The following HPSE2 variants were observed in gnomAD, a reference collection of about 807,000 sequenced individuals.
HPSE2 encodes the protein inactive heparanase-2.
Under a neutral mutation model 60.5 loss-of-function variants are expected in HPSE2, and 38 were observed. The observed-to-expected ratio is 0.63, with a 90% CI of 0.48 to 0.82. The LOEUF (loss-of-function observed/expected upper bound fraction) is 0.82. Among genes scored for constraint, HPSE2 ranks in the 40% least tolerant of loss-of-function variants. The pLI, the probability that HPSE2 is intolerant of heterozygous loss-of-function variation, is 0.00. For synonymous variants in HPSE2, 295 were observed against 293.2 expected (o/e 1.01, Z -0.06); for missense variants, 713 against 740.4 (o/e 0.96, Z 0.43).
chr10:99,302,065 C>CAGAGA, the HPSE2 span, among the ~76,000 whole-genome samples: 54 of 151,820 alleles, frequency 3.6e-4, no homozygotes, highest in African/African-American at 1.3e-3. Context: ...GAGTGGTTTA[C>CAGAGA]AGAGAAGAGT....
At chr10:99,215,772 G>A (rs991515074) in intron 2 of HPSE2, among the ~76,000 whole-genome samples, 7 of 152,192 alleles carry the variant, frequency 4.6e-5, no homozygotes, top group Non-Finnish European at 7.3e-5. Context: ...AAACGGCCAC[G>A]GAGTGAGAGT....
intron 3 of HPSE2, among the ~76,000 whole-genome samples, chr10:99,054,283 T>C (rs1372737255): frequency 6.6e-6 from 1 of 152,154 alleles, no homozygotes; most frequent in Admixed American, 6.5e-5. Flanking sequence ...ACAGAGATAT[T>C]AGAAGAAAAG....
At chr10:99,131,176 AGAAGGCAC>A (rs1016017040) in intron 3 of HPSE2, among the ~76,000 whole-genome samples, 25 of 152,360 alleles carry the variant, frequency 1.6e-4, no homozygotes, top group African/African-American at 5.8e-4. Context: ...AAATCAACAT[AGAAGGCAC>A]ATACCTCAAT....
chr10:99,304,522 T>A, the HPSE2 span, among the ~76,000 whole-genome samples: 1 of 152,226 alleles, frequency 6.6e-6, no homozygotes, highest in Non-Finnish European at 1.5e-5. Context: ...AGAACGCTTG[T>A]GGGCTAAGCT....
At chr10:99,209,208 C>G (rs1223250239) in intron 2 of HPSE2, among the ~76,000 whole-genome samples, 4 of 152,124 alleles carry the variant, frequency 2.6e-5, no homozygotes, top group African/African-American at 9.7e-5. Flanking sequence ...TGAGCACATA[C>G]AGAAAATTCT....
chr10:99,023,584 C>A (rs1249482117), intron 3 of HPSE2, among the ~76,000 whole-genome samples: 2 of 152,158 alleles, frequency 1.3e-5, no homozygotes, highest in African/African-American at 4.8e-5. Context: ...CCAGCACAGT[C>A]ATAGTAATGG....
intron 2 of HPSE2, among the ~76,000 whole-genome samples, chr10:99,148,825 A>AATC (rs1564845150): frequency 5.4e-5 from 8 of 147,480 alleles, no homozygotes; most frequent in African/African-American, 2.1e-4. Flanking sequence ...ATCAATCAAT[A>AATC]AAATAGTTGA....
At chr10:99,151,755 T>C (rs1000524583) in intron 2 of HPSE2, among the ~76,000 whole-genome samples, 1 of 151,690 alleles carries the variant, frequency 6.6e-6, no homozygotes, top group Admixed American at 6.6e-5. Flanking sequence ...TAAAAAAAAA[T>C]AAAGGAAATA....
chr10:98,957,002 A>G (rs1168640658), intron 3 of HPSE2, among the ~76,000 whole-genome samples: 1 of 152,170 alleles, frequency 6.6e-6, no homozygotes, highest in Non-Finnish European at 1.5e-5. Flanking sequence ...GTGTGCAGGA[A>G]AACAGTCTGT....
intron 11 of HPSE2, among the ~76,000 whole-genome samples, chr10:98,474,995 T>C (rs1054449622): frequency 1.3e-5 from 2 of 152,176 alleles, no homozygotes; most frequent in Admixed American, 1.3e-4. Context: ...GGATATGGCC[T>C]AGCAATAGAA....
At chr10:98,604,183 T>C (rs1421144255) in intron 9 of HPSE2, among the ~76,000 whole-genome samples, 1 of 152,002 alleles carries the variant, frequency 6.6e-6, no homozygotes, top group African/African-American at 2.4e-5. Context: ...GATGCTGAAA[T>C]TATCTGAACA....
intron 9 of HPSE2, among the ~76,000 whole-genome samples, chr10:98,611,441 A>G (rs555228661): frequency 1.3e-5 from 2 of 152,172 alleles, no homozygotes; most frequent in Non-Finnish European, 2.9e-5. Flanking sequence ...CACTTTTCTC[A>G]ATTTATTCAA....
intron 3 of HPSE2, among the ~76,000 whole-genome samples, chr10:98,776,145 A>G (rs1282101918): frequency 1.3e-5 from 2 of 152,062 alleles, no homozygotes; most frequent in South Asian, 2.1e-4. Context: ...TCTAAACAGC[A>G]TATCTGGCCA....
At chr10:99,147,692 T>C (rs1004030698) in intron 2 of HPSE2, among the ~76,000 whole-genome samples, 4 of 152,124 alleles carry the variant, frequency 2.6e-5, no homozygotes, top group Admixed American at 6.5e-5. Flanking sequence ...GGGAAAAAAA[T>C]AGATATGCTG....
chr10:98,788,997 T>A (rs1290060817), intron 3 of HPSE2, among the ~76,000 whole-genome samples: 1 of 151,802 alleles, frequency 6.6e-6, no homozygotes, highest in Non-Finnish European at 1.5e-5. Flanking sequence ...TCCTTCTCAC[T>A]TTTTTTTTCT....
chr10:99,224,038 GTTTAATATA>G (rs1849396566), intron 2 of HPSE2, among the ~76,000 whole-genome samples: 2 of 152,040 alleles, frequency 1.3e-5, no homozygotes, highest in South Asian at 4.1e-4. Context: ...CAAAATTTAT[GTTTAATATA>G]TAAGATCACA....
intron 2 of HPSE2, among the ~76,000 whole-genome samples, chr10:99,217,185 G>A (rs1849157327): frequency 6.6e-6 from 1 of 150,660 alleles, no homozygotes; most frequent in Non-Finnish European, 1.5e-5. Context: ...ACCATAAGTA[G>A]TAACATTAGT....
At chr10:99,018,246 T>A (rs1360351640) in intron 3 of HPSE2, among the ~76,000 whole-genome samples, 1 of 152,214 alleles carries the variant, frequency 6.6e-6, no homozygotes, top group East Asian at 1.9e-4. Context: ...GACCACATGA[T>A]CTTTGTGGTC....
chr10:99,136,574 G>A (rs1589714607), intron 3 of HPSE2, among the ~76,000 whole-genome samples: 1 of 152,182 alleles, frequency 6.6e-6, no homozygotes, highest in South Asian at 2.1e-4. Context: ...TGGGATGCAA[G>A]GCTGGTTCAA....
Sources: allele counts gnomAD v4.1 joint callset (sites outside exome capture counted in the v4.1 genomes callset), GRCh38; gene constraint gnomAD v4.1.1; transcripts MANE v1.5; gene names NCBI Gene and HGNC (gene_info 2026-07-23, HGNC 2026-07-21).